The following CCNJ variants were observed in gnomAD, a reference collection of about 807,000 sequenced individuals.
CCNJ encodes the protein cyclin-J.
CCNJ carries 12 observed loss-of-function variants against 41.4 expected under a neutral mutation model. The ratio of observed to expected loss-of-function variants is 0.29; its 90% confidence interval spans 0.19 to 0.47. CCNJ has a LOEUF of 0.47. CCNJ is among the 20% of genes least tolerant of loss of function. The pLI is 1.00. For synonymous variants in CCNJ, 161 were observed against 173.4 expected (o/e 0.93, Z 0.56); for missense variants, 340 against 464.6 (o/e 0.73, Z 2.47).
rs768368350 is a variant in CCNJ at position 96,058,125 on chromosome 10, G to A, written c.1036G>A (p.Val346Ile). 4.3e-6 allele frequency: 7 copies of A among 1,614,068 alleles called. No homozygotes were observed. Among genetic ancestry groups the A allele is most frequent in the East Asian group, 4.5e-5 (2 of 44,902 alleles). The change falls in exon 6 of 6, where the codon GTT becomes ATT. Residue 346 changes from valine to isoleucine, a missense_variant. Coordinates refer to ENST00000465148, the MANE Select transcript of CCNJ (RefSeq NM_001134375.2). Reference protein sequence around the residue: ...VQGLGHMQTGVGMSLAIPVEV... With the variant: ...VQGLGHMQTGIGMSLAIPVEV... ...GGGCCTTGGGCACATGCAGACTGGT[G>A]TTGGGATGTCACTGGCAATACCAGT...
At chr10:96,045,873 G>A (rs1160793280) in intron 2 of CCNJ, among the ~76,000 whole-genome samples, 1 of 152,076 alleles carries the variant, frequency 6.6e-6, no homozygotes, top group African/African-American at 2.4e-5. Flanking sequence ...GACCTCAGGT[G>A]ATCCACCTGC....
chr10:96,053,937 A>T (rs1472318286), intron 3 of CCNJ, among the ~76,000 whole-genome samples: 1 of 152,100 alleles, frequency 6.6e-6, no homozygotes, highest in Non-Finnish European at 1.5e-5. Flanking sequence ...GTTAGGGATG[A>T]CTTTTTTCCC....
At chr10:96,046,011 T>C (rs144763906) in intron 2 of CCNJ, among the ~76,000 whole-genome samples, 1 of 152,374 alleles carries the variant, frequency 6.6e-6, no homozygotes, top group East Asian at 1.9e-4. Flanking sequence ...TCATTTTATG[T>C]GTAGATCATT....
At chr10:96,045,224 C>T (rs1462750492) in intron 2 of CCNJ, among the ~76,000 whole-genome samples, 2 of 152,204 alleles carry the variant, frequency 1.3e-5, no homozygotes, top group Non-Finnish European at 2.9e-5. Context: ...TGTGGCAAGG[C>T]AGATTAATGA....
At chr10:96,049,554 G>T (rs2080466554) in intron 2 of CCNJ, among the ~76,000 whole-genome samples, 1 of 125,494 alleles carries the variant, frequency 8.0e-6, no homozygotes. Flanking sequence ...TTCTTCTATT[G>T]TGATACCTGT....
upstream of CCNJ, among the ~76,000 whole-genome samples, chr10:96,043,087 A>T (rs1265254141): frequency 6.6e-6 from 1 of 152,160 alleles, no homozygotes; most frequent in Non-Finnish European, 1.5e-5. Flanking sequence ...GGGCCTGATG[A>T]TCCACGGAGC....
chr10:96,048,607 C>T (rs1406759209), intron 2 of CCNJ, among the ~76,000 whole-genome samples: 1 of 152,186 alleles, frequency 6.6e-6, no homozygotes, highest in Non-Finnish European at 1.5e-5. Context: ...ATTTCCCACC[C>T]TCTAGCTTCT....
Position 96,057,230 on chromosome 10 carries a change from T to C in CCNJ, c.723T>C (p.Cys241=), listed in dbSNP as rs775808236. 1 of 1,613,962 alleles carries C rather than the reference T, an allele frequency of 6.2e-7. No homozygotes were observed. Among genetic ancestry groups the C allele is most frequent in the Non-Finnish European group, 8.5e-7 (1 of 1,179,798 alleles). The change falls in exon 5 of 6, where the codon TGT becomes TGC. Residue 241 remains cysteine, a synonymous_variant. Transcript: ENST00000465148. The part of the protein sequence containing the change: ...TAYSWDFLVQ[C]IERLLIAHDN... ...ACTCTTGGGATTTCTTAGTGCAGTG[T>C]ATTGAACGACTGTTGATGTAAGCCT... is the stretch of plus-strand genomic sequence containing the variant.
At chr10:96,056,331 T>C (rs1295646933) in intron 3 of CCNJ, among the ~76,000 whole-genome samples, 2 of 151,974 alleles carry the variant, frequency 1.3e-5, no homozygotes, top group East Asian at 3.9e-4. Flanking sequence ...AACTATCTTC[T>C]ACTCTAAAAT....
upstream of CCNJ, chr10:96,043,575 G>C (rs1229238495): frequency 3.0e-5 from 12 of 395,026 alleles, no homozygotes; most frequent in Middle Eastern, 6.3e-4. Flanking sequence ...GCCGCCTGCC[G>C]GTCCTTTAAC....
In CCNJ at chr10:96,058,011, C is replaced by A. The variant is rs911043512; in HGVS notation, c.922C>A (p.Gln308Lys). Reference sequence around the variant, plus strand: ...GCAGTATCGCCATCCTACGTCAGAACAACCAAGCTGTCAGCAGATTGTATC... The same window carrying A: ...GCAGTATCGCCATCCTACGTCAGAAAAACCAAGCTGTCAGCAGATTGTATC... ...SLQYRHPTSE[Q>K]PSCQQIVSTT... Residue 308 changes from glutamine to lysine, a missense_variant, in exon 6 of 6, where the codon CAA becomes AAA. This residue lies in a region of CCNJ where 159 missense variants were observed against 168.2 expected (regional missense o/e 0.95). Coordinates refer to ENST00000465148, the MANE Select transcript of CCNJ (RefSeq NM_001134375.2). 5.0e-6 allele frequency: 8 copies of A among 1,614,170 alleles called. No individual in the cohort carries two copies. Among genetic ancestry groups the A allele is most frequent in the Non-Finnish European group, 5.9e-6 (7 of 1,180,018 alleles).
chr10:96,046,137 G>A (rs939139223), intron 2 of CCNJ, among the ~76,000 whole-genome samples: 1 of 152,056 alleles, frequency 6.6e-6, no homozygotes, highest in African/African-American at 2.4e-5. Flanking sequence ...ATTAGTTTCT[G>A]GAGCATCCAA....
chr10:96,043,470 G>A, upstream of CCNJ: 1 of 383,330 alleles, frequency 2.6e-6, no homozygotes, highest in Non-Finnish European at 4.6e-6. Context: ...CGGCCCGGCC[G>A]CCAATTGGAC....
At chr10:96,047,553 G>A (rs1407459792) in intron 2 of CCNJ, among the ~76,000 whole-genome samples, 1 of 152,072 alleles carries the variant, frequency 6.6e-6, no homozygotes, top group Non-Finnish European at 1.5e-5. Context: ...TGGTTGGATT[G>A]CTTGAGCCTG....
intron 3 of CCNJ, among the ~76,000 whole-genome samples, chr10:96,054,266 C>G (rs1191340173): frequency 1.3e-5 from 2 of 152,098 alleles, no homozygotes; most frequent in African/African-American, 2.4e-5. Context: ...AGAAACTGAT[C>G]TTTGTGAACT....
chr10:96,046,814 CT>C (rs1379513863), intron 2 of CCNJ, among the ~76,000 whole-genome samples: 3 of 152,204 alleles, frequency 2.0e-5, no homozygotes, highest in Non-Finnish European at 2.9e-5. Flanking sequence ...ACCCTTTTGT[CT>C]CCTTTCTTCT....
Position 96,060,309 on chromosome 10 carries a change from CTTTTA to C in CCNJ, c.*2071_*2075del, listed in dbSNP as rs1175499769. On this transcript the variant is annotated 3_prime_UTR_variant, in exon 6 of 6. Transcript: ENST00000465148. ...TGGTAACTTAATGTCTTGTCAAATA[CTTTTA>C]TTGATTGGTTTATATGCCATTCTTG... The C allele has an allele frequency of 6.6e-6, 1 of 152,582 alleles. No homozygotes were observed. The highest frequency in any genetic ancestry group is 2.4e-5 in the African/African-American group (1 of 41,412). 9.5% of individuals were successfully genotyped at this position (152,582 alleles called of 1,614,324 possible). A position where few individuals can be genotyped will look rare whatever the true frequency, so the allele number is the denominator to read the frequency against.
In CCNJ at chr10:96,058,764, A is replaced by G. The variant is rs186797953; in HGVS notation, c.*523A>G. ...GTTTAAACTCATGAATTGTTATGCT[A>G]TACCAATCTGCAGTAAAAAAAATTT... On this transcript the variant is annotated 3_prime_UTR_variant, in exon 6 of 6. Coordinates refer to ENST00000465148, the MANE Select transcript of CCNJ (RefSeq NM_001134375.2). 8.5e-4 allele frequency: 294 copies of G among 345,776 alleles called. 1 individual carries two copies. Among genetic ancestry groups the G allele is most frequent in the African/African-American group, 5.7e-3 (271 of 47,754 alleles). 21.4% of individuals were successfully genotyped at this position (345,776 alleles called of 1,614,324 possible).
At chr10:96,044,501 TCG>T in intron 2 of CCNJ, 39 bp downstream of exon 2, 1 of 1,413,618 alleles carries the variant, frequency 7.1e-7, no homozygotes, top group Non-Finnish European at 9.5e-7. Flanking sequence ...CTTCTGTGTG[TCG>T]CGCCAGTTGT....
Sources: allele counts gnomAD v4.1 joint callset (sites outside exome capture counted in the v4.1 genomes callset), GRCh38; gene constraint gnomAD v4.1.1; regional missense constraint gnomAD v4.1.1; transcripts MANE v1.5; gene names NCBI Gene and HGNC (gene_info 2026-07-23, HGNC 2026-07-21).